DOCK1: variants seen among roughly 807,000 people sequenced by gnomAD.
DOCK1 encodes the protein dedicator of cytokinesis 1.
In DOCK1, 138 loss-of-function variants were observed where a neutral mutation model predicts 262.7. The ratio of observed to expected loss-of-function variants is 0.53; its 90% CI spans 0.46 to 0.61. The LOEUF is 0.61. DOCK1 is among the 20% of genes least tolerant of loss of function. The probability of loss-of-function intolerance (pLI) is 0.00; values close to 1 mark genes in which losing one functional copy is unlikely to be tolerated. For synonymous variants in DOCK1, 866 were observed against 867.4 expected, an observed-to-expected ratio of 1.00 and a Z score of 0.03; for missense variants, 1,908 against 2,370.7, an observed-to-expected ratio of 0.80 and a Z score of 4.05.
chr10:127,434,371 C>A (rs2069516751), intron 48 of DOCK1, among the ~76,000 whole-genome samples: 1 of 152,122 alleles, frequency 6.6e-6, no homozygotes. Flanking sequence ...TCTCACTCTG[C>A]CACCCAGGCT....
chr10:127,226,827 T>A lies in DOCK1; in HGVS notation c.2848-21181T>A, dbSNP rs1294291316. 4.6e-5 allele frequency among the ~76,000 whole-genome samples: 7 copies of A among 152,192 alleles called. No individual in the cohort carries two copies. In the East Asian group the frequency reaches 1.4e-3, roughly 29 times the overall value. The stretch of plus-strand genomic sequence containing the variant: ...TTCGCCATTGTGATTACACAATACT[T>A]CTACCTGGACTGCCTTTCTCCCGCT... On this transcript the variant is annotated intron_variant, in intron 27 of 51. Transcript: ENST00000623213.
intron 1 of DOCK1, among the ~76,000 whole-genome samples, chr10:126,928,377 G>C (rs1018461231): frequency 5.9e-5 from 9 of 152,192 alleles, no homozygotes; most frequent in Admixed American, 2.6e-4. Flanking sequence ...AGCCTGACTC[G>C]TAAACTTGCT....
intron 27 of DOCK1, among the ~76,000 whole-genome samples, chr10:127,162,433 G>A (rs1169702664): frequency 6.6e-6 from 1 of 152,120 alleles, no homozygotes; most frequent in East Asian, 1.9e-4. Flanking sequence ...GATTTTGAGG[G>A]CTACCCTGGC....
chr10:127,433,450 G>C, intron 48 of DOCK1, 22 bp downstream of exon 48: 1 of 1,612,746 alleles, frequency 6.2e-7, no homozygotes, highest in Non-Finnish European at 8.5e-7. Context: ...TCACAGCAGG[G>C]CTGAGCTGAG....
chr10:127,016,287 G>A (rs2041873526), intron 12 of DOCK1, among the ~76,000 whole-genome samples: 1 of 152,124 alleles, frequency 6.6e-6, no homozygotes, highest in African/African-American at 2.4e-5. Flanking sequence ...AGGAAAGGGG[G>A]TTTCACCAGC....
chr10:127,221,730 G>A (rs1453205705), intron 27 of DOCK1, among the ~76,000 whole-genome samples: 1 of 152,244 alleles, frequency 6.6e-6, no homozygotes, highest in Non-Finnish European at 1.5e-5. Flanking sequence ...CAACTCAGGG[G>A]AAGTGGTGTC....
At chr10:127,066,045 C>T (rs12255188) in intron 23 of DOCK1, among the ~76,000 whole-genome samples, 16,097 of 151,994 alleles carry the variant, frequency 0.11, 1,076 homozygotes, top group Admixed American at 0.15. Flanking sequence ...CCCCTTCACC[C>T]GGCCCAGATG....
chr10:127,164,801 G>A (rs2053934394), intron 27 of DOCK1, among the ~76,000 whole-genome samples: 1 of 152,062 alleles, frequency 6.6e-6, no homozygotes, highest in Admixed American at 6.6e-5. Flanking sequence ...TATAAACAGG[G>A]CAAAGCTTAC....
chr10:127,407,190 T>G (rs986874164), intron 40 of DOCK1, among the ~76,000 whole-genome samples: 5 of 152,208 alleles, frequency 3.3e-5, no homozygotes, highest in African/African-American at 1.2e-4. Context: ...GGGGACTGTC[T>G]TAGTCCACTG....
intron 40 of DOCK1, among the ~76,000 whole-genome samples, chr10:127,408,382 T>C (rs934287985): frequency 6.6e-6 from 1 of 152,194 alleles, no homozygotes; most frequent in Non-Finnish European, 1.5e-5. Flanking sequence ...ACACACATTC[T>C]GAATGCAGGA....
intron 27 of DOCK1, among the ~76,000 whole-genome samples, chr10:127,160,780 G>A (rs918025113): frequency 3.3e-5 from 5 of 152,148 alleles, no homozygotes; most frequent in South Asian, 2.1e-4. Context: ...TGTTTTTGCC[G>A]TTAATTTATT....
intron 18 of DOCK1, 39 bp from the exon 19 acceptor site, chr10:127,037,680 C>T (rs994404544): frequency 2.0e-6 from 3 of 1,521,344 alleles, no homozygotes; most frequent in Non-Finnish European, 2.7e-6. Flanking sequence ...AACAGAGTTT[C>T]TTGCTTGTGA....
At chr10:127,265,375 G>A (rs899912709) in intron 29 of DOCK1, among the ~76,000 whole-genome samples, 2 of 151,658 alleles carry the variant, frequency 1.3e-5, no homozygotes, top group Non-Finnish European at 2.9e-5. Flanking sequence ...GTGTCTGTGT[G>A]TTACACATTA....
chr10:126,936,439 CTTTA>C (rs2034561886), intron 1 of DOCK1, among the ~76,000 whole-genome samples: 1 of 152,250 alleles, frequency 6.6e-6, no homozygotes, highest in South Asian at 2.1e-4. Flanking sequence ...TCCAATAAAA[CTTTA>C]TTTATAGACA....
intron 4 of DOCK1, among the ~76,000 whole-genome samples, chr10:126,984,974 CTTTTT>C (rs553086410): frequency 2.6e-4 from 22 of 85,128 alleles, no homozygotes; most frequent in Non-Finnish European, 3.2e-4. Flanking sequence ...ATGTCCCATT[CTTTTT>C]TTTTTTTTTT....
chr10:127,415,295 C>G, intron 44 of DOCK1, 57 bp downstream of exon 44: 1 of 1,539,090 alleles, frequency 6.5e-7, no homozygotes. Flanking sequence ...ATACAGTCTG[C>G]CACGCCTTCT....
At chr10:127,145,891 G>T (rs746685449) in intron 27 of DOCK1, 1 of 442,188 alleles carries the variant, frequency 2.3e-6, no homozygotes, top group East Asian at 6.4e-5. Flanking sequence ...ACCAGTGACC[G>T]GTCTAAACGT....
chr10:126,990,428 T>A, intron 5 of DOCK1, 27 bp from the exon 6 acceptor site: 1 of 1,578,024 alleles, frequency 6.3e-7, no homozygotes, highest in South Asian at 1.2e-5. Context: ...TAACAAAATC[T>A]TTCTGATTGG....
At chr10:127,036,022 AT>A (rs2043578470) in intron 18 of DOCK1, among the ~76,000 whole-genome samples, 1 of 149,444 alleles carries the variant, frequency 6.7e-6, no homozygotes, top group East Asian at 2.0e-4. Flanking sequence ...AAATAAATAA[AT>A]AAATAAATAA....
Sources: allele counts gnomAD v4.1 joint callset (sites outside exome capture counted in the v4.1 genomes callset), GRCh38; gene constraint gnomAD v4.1.1; transcripts MANE v1.5; gene names NCBI Gene and HGNC (gene_info 2026-07-23, HGNC 2026-07-21).